The following PCNX2 variants were observed in gnomAD, a reference collection of about 807,000 sequenced individuals.
The protein encoded by PCNX2 is pecanex-like protein 2.
In PCNX2, 168 loss-of-function variants were observed where a neutral mutation model predicts 223.8. The ratio of observed to expected loss-of-function variants is 0.75; its 90% CI spans 0.66 to 0.85. PCNX2 has a LOEUF of 0.85. Ranked by LOEUF, PCNX2 falls within the 40% of genes least tolerant of loss-of-function variation. The pLI is 0.00. For synonymous variants in PCNX2, 1,006 were observed against 1,052.6 expected (o/e 0.96, Z 0.86); for missense variants, 2,507 against 2,675.5 (o/e 0.94, Z 1.39).
intron 23 of PCNX2, among the ~76,000 whole-genome samples, chr1:233,060,997 TCA>T (rs1672387547): frequency 6.6e-6 from 1 of 152,218 alleles, no homozygotes; most frequent in African/African-American, 2.4e-5. Context: ...ACCTTCTCTC[TCA>T]GTTTCATCTG....
chr1:233,275,524 A>C (rs1370524978), intron 1 of PCNX2, among the ~76,000 whole-genome samples: 5 of 152,142 alleles, frequency 3.3e-5, no homozygotes, highest in Non-Finnish European at 7.4e-5. Context: ...ATACTCTTAT[A>C]AGGTGATACT....
At chr1:233,163,182 T>C (rs1333037966) in intron 17 of PCNX2, among the ~76,000 whole-genome samples, 1 of 152,016 alleles carries the variant, frequency 6.6e-6, no homozygotes, top group African/African-American at 2.4e-5. Context: ...AAAAGCCACA[T>C]ATATTTAAAG....
chr1:233,006,954 C>T (rs1260770052), intron 28 of PCNX2, among the ~76,000 whole-genome samples: 2 of 151,992 alleles, frequency 1.3e-5, no homozygotes, highest in East Asian at 3.9e-4. Flanking sequence ...GGTACTGCAG[C>T]AAGCTCTCTT....
At chr1:233,023,977 A>G (rs565697807) in intron 26 of PCNX2, among the ~76,000 whole-genome samples, 1 of 152,318 alleles carries the variant, frequency 6.6e-6, no homozygotes, top group East Asian at 1.9e-4. Flanking sequence ...CAGTGGTGCA[A>G]TCACAGCTCA....
At chr1:233,113,112 C>A in intron 21 of PCNX2, 1 of 877,614 alleles carries the variant, frequency 1.1e-6, no homozygotes, top group South Asian at 1.5e-5. Flanking sequence ...AGTGAGCTGG[C>A]CAGTTGGGTG....
At chr1:233,109,694 T>C (rs1451368305) in intron 21 of PCNX2, among the ~76,000 whole-genome samples, 1 of 152,046 alleles carries the variant, frequency 6.6e-6, no homozygotes, top group Non-Finnish European at 1.5e-5. Flanking sequence ...TTCAGAGCAA[T>C]ACCAAATTGT....
chr1:233,093,373 C>T (rs1466108865), intron 22 of PCNX2, among the ~76,000 whole-genome samples: 1 of 152,162 alleles, frequency 6.6e-6, no homozygotes, highest in Non-Finnish European at 1.5e-5. Flanking sequence ...CCAAACAGTG[C>T]CCTGCTGGCC....
At chr1:233,301,535 A>G in the PCNX2 span, among the ~76,000 whole-genome samples, 1 of 152,248 alleles carries the variant, frequency 6.6e-6, no homozygotes, top group Non-Finnish European at 1.5e-5. Flanking sequence ...CCTTAAAAAC[A>G]TATTAGCAAT....
At chr1:233,026,584 T>G (rs970347933) in intron 25 of PCNX2, among the ~76,000 whole-genome samples, 3 of 152,196 alleles carry the variant, frequency 2.0e-5, no homozygotes, top group African/African-American at 7.2e-5. Context: ...GACTTGGTCC[T>G]GGGTGGCTGG....
chr1:233,177,082 C>A (rs1679517190), intron 17 of PCNX2, among the ~76,000 whole-genome samples: 1 of 152,142 alleles, frequency 6.6e-6, no homozygotes, highest in Non-Finnish European at 1.5e-5. Flanking sequence ...AGACTTTCCT[C>A]CCCATTTAAT....
At chr1:233,220,448 G>A (rs562992259) in intron 10 of PCNX2, among the ~76,000 whole-genome samples, 11 of 152,276 alleles carry the variant, frequency 7.2e-5, no homozygotes, top group African/African-American at 1.9e-4. Flanking sequence ...CCAGCATTTG[G>A]TGTTGTCAGT....
At chr1:233,120,451 T>C (rs1381364303) in intron 21 of PCNX2, among the ~76,000 whole-genome samples, 1 of 152,058 alleles carries the variant, frequency 6.6e-6, no homozygotes, top group Non-Finnish European at 1.5e-5. Flanking sequence ...GAATAGAAAA[T>C]GCTGACAAGG....
At chr1:233,004,925 T>C (rs1670228013) in intron 28 of PCNX2, among the ~76,000 whole-genome samples, 1 of 152,062 alleles carries the variant, frequency 6.6e-6, no homozygotes, top group Admixed American at 6.5e-5. Flanking sequence ...CAGAAAAGGA[T>C]CCAAGAAGCT....
intron 1 of PCNX2, among the ~76,000 whole-genome samples, chr1:233,265,042 A>T (rs1660254172): frequency 6.6e-6 from 1 of 152,062 alleles, no homozygotes; most frequent in Non-Finnish European, 1.5e-5. Context: ...GTTCAAGAGC[A>T]GCCTGGGCAA....
chr1:233,287,472 T>G (rs1008868866), intron 1 of PCNX2, among the ~76,000 whole-genome samples: 1 of 152,148 alleles, frequency 6.6e-6, no homozygotes, highest in African/African-American at 2.4e-5. Context: ...CTCATGATAG[T>G]GTATAAGTCT....
chr1:233,057,153 G>C, intron 24 of PCNX2, 79 bp downstream of exon 24: 1 of 1,177,716 alleles, frequency 8.5e-7, no homozygotes, highest in Non-Finnish European at 1.2e-6. Context: ...TGAGTACAGA[G>C]TGAGTATTTA....
chr1:233,190,103 C>A (rs565906413), intron 15 of PCNX2, among the ~76,000 whole-genome samples: 15 of 152,194 alleles, frequency 9.9e-5, no homozygotes, highest in East Asian at 5.8e-4. Flanking sequence ...AGGAAATAAA[C>A]ACATATATCA....
chr1:233,291,978 C>T, intron 1 of PCNX2: 1 of 985,262 alleles, frequency 1.0e-6, no homozygotes, highest in Non-Finnish European at 1.2e-6. Context: ...AATTGACTTA[C>T]TGTTTTCAGT....
chr1:233,036,396 C>T (rs1017003273), intron 25 of PCNX2, among the ~76,000 whole-genome samples: 2 of 152,012 alleles, frequency 1.3e-5, no homozygotes, highest in African/African-American at 2.4e-5. Flanking sequence ...TTTGGGAGGC[C>T]GAGGGGGTGG....
Sources: gnomAD v4.1 joint callset for allele counts (sites outside exome capture counted in the v4.1 genomes callset) on GRCh38, gnomAD v4.1.1 for gene constraint, MANE v1.5 for transcripts, NCBI Gene and HGNC (gene_info 2026-07-23, HGNC 2026-07-21) for gene names.